PALM2AKAP2: variants seen among roughly 807,000 people sequenced by gnomAD.
The protein encoded by PALM2AKAP2 is PALM2-AKAP2 fusion protein.
Under a neutral mutation model 71.5 loss-of-function variants are expected in PALM2AKAP2, and 37 were observed. That is an observed-to-expected ratio of 0.52 (90% confidence interval 0.40 to 0.68). The LOEUF (loss-of-function observed/expected upper bound fraction) is 0.68, where lower values mean the gene tolerates loss of function less well. PALM2AKAP2 is among the 30% of genes least tolerant of loss of function. The probability of loss-of-function intolerance (pLI) is 0.00; values close to 1 mark genes in which losing one functional copy is unlikely to be tolerated. For missense variants in PALM2AKAP2, 1,224 were observed against 1,191.8 expected, an observed-to-expected ratio of 1.03 and a Z score of -0.40; for synonymous variants, 468 against 478.8, an observed-to-expected ratio of 0.98 and a Z score of 0.29.
intron 1 of PALM2AKAP2, among the ~76,000 whole-genome samples, chr9:109,662,886 T>C (rs541780034): frequency 1.7e-4 from 26 of 152,312 alleles, no homozygotes; most frequent in African/African-American, 5.8e-4. Context: ...TTCTTCCTGG[T>C]TTAGTCTTGG....
At chr9:109,969,112 A>ACACACACACACACACACACC (rs1832014865) in intron 6 of PALM2AKAP2, among the ~76,000 whole-genome samples, 1 of 151,492 alleles carries the variant, frequency 6.6e-6, no homozygotes, top group Non-Finnish European at 1.5e-5. Context: ...ACACACACAC[A>ACACACACACACACACACACC]CGACTCCCAG....
intron 4 of PALM2AKAP2, 93 bp downstream of exon 4, chr9:109,923,942 T>C: frequency 2.3e-6 from 3 of 1,288,360 alleles, no homozygotes; most frequent in Non-Finnish European, 2.1e-6. Flanking sequence ...CCAGTGGGCA[T>C]TGATGAGAAA....
At chr9:109,899,095 T>C (rs1400250607) in intron 3 of PALM2AKAP2, among the ~76,000 whole-genome samples, 1 of 152,152 alleles carries the variant, frequency 6.6e-6, no homozygotes, top group Non-Finnish European at 1.5e-5. Flanking sequence ...TGATCTAATT[T>C]TTTCTCCAGA....
chr9:109,838,735 A>C (rs948783246), intron 1 of PALM2AKAP2, among the ~76,000 whole-genome samples: 7 of 152,342 alleles, frequency 4.6e-5, no homozygotes, highest in Non-Finnish European at 8.8e-5. Flanking sequence ...ACCATCAGAG[A>C]ATACTATAAA....
At chr9:109,913,872 T>C (rs1005692468) in intron 3 of PALM2AKAP2, among the ~76,000 whole-genome samples, 6 of 150,454 alleles carry the variant, frequency 4.0e-5, no homozygotes, top group African/African-American at 1.5e-4. Context: ...TTCTCCTGCC[T>C]CAGCCTCCCG....
At chr9:109,868,523 G>A (rs1366074029) in intron 2 of PALM2AKAP2, among the ~76,000 whole-genome samples, 14 of 152,102 alleles carry the variant, frequency 9.2e-5, no homozygotes, top group Admixed American at 9.2e-4. Context: ...GTGATGCTCG[G>A]TATGAATTAT....
intron 1 of PALM2AKAP2, among the ~76,000 whole-genome samples, chr9:109,820,973 A>G (rs1440896182): frequency 6.6e-6 from 1 of 152,182 alleles, no homozygotes; most frequent in Admixed American, 6.5e-5. Flanking sequence ...CCAGCTGGGC[A>G]CCCAACTACG....
intron 3 of PALM2AKAP2, among the ~76,000 whole-genome samples, chr9:109,903,413 A>T (rs966531876): frequency 6.6e-6 from 1 of 151,888 alleles, no homozygotes; most frequent in Non-Finnish European, 1.5e-5. Flanking sequence ...TAAAGTGATG[A>T]TCTCAATGAA....
At chr9:109,953,399 G>A (rs961594963) in intron 6 of PALM2AKAP2, among the ~76,000 whole-genome samples, 6 of 152,146 alleles carry the variant, frequency 3.9e-5, no homozygotes, top group African/African-American at 7.2e-5. Flanking sequence ...TATACATGAG[G>A]AAACTGAGTT....
chr9:109,855,974 C>G (rs1001714567), intron 1 of PALM2AKAP2, among the ~76,000 whole-genome samples: 1 of 152,168 alleles, frequency 6.6e-6, no homozygotes, highest in African/African-American at 2.4e-5. Context: ...CAATTATTAA[C>G]AAAGTGGTAG....
At chr9:109,768,812 G>GT (rs1207051786) in intron 1 of PALM2AKAP2, among the ~76,000 whole-genome samples, 1 of 152,204 alleles carries the variant, frequency 6.6e-6, no homozygotes, top group Non-Finnish European at 1.5e-5. Flanking sequence ...TCAGCACCAT[G>GT]TAAGTGTGTA....
At chr9:109,950,991 G>T (rs770040886) in intron 6 of PALM2AKAP2, among the ~76,000 whole-genome samples, 1 of 152,252 alleles carries the variant, frequency 6.6e-6, no homozygotes. Context: ...TCTGTATGTA[G>T]CTCCAACTCC....
Position 109,962,887 on chromosome 9 carries a change from A to G in PALM2AKAP2, c.496+30859A>G, listed in dbSNP as rs184655363. 7.2e-4 allele frequency among the ~76,000 whole-genome samples: 109 copies of G among 152,296 alleles called. 1 individual carries two copies. In the East Asian group the frequency reaches 0.011, roughly 15 times the overall value. ...TCAAACTCCTGACCTCAGGTGATGC[A>G]CCCACCTCGGCCTCCCAACAAATGT... On this transcript the variant is annotated intron_variant, in intron 6 of 9. Transcript: ENST00000302798.
At chr9:109,903,532 C>T (rs1830376107) in intron 3 of PALM2AKAP2, among the ~76,000 whole-genome samples, 1 of 152,160 alleles carries the variant, frequency 6.6e-6, no homozygotes, top group Admixed American at 6.5e-5. Flanking sequence ...TATTTTTGCA[C>T]ACAGCATTAA....
At chr9:110,029,915 G>T (rs531280462) in intron 7 of PALM2AKAP2, among the ~76,000 whole-genome samples, 1 of 152,136 alleles carries the variant, frequency 6.6e-6, no homozygotes, top group East Asian at 1.9e-4. Flanking sequence ...GGCCACTTAC[G>T]ATAAGCCTTG....
chr9:109,966,818 A>T (rs1831958455), intron 6 of PALM2AKAP2, among the ~76,000 whole-genome samples: 2 of 152,192 alleles, frequency 1.3e-5, no homozygotes, highest in Non-Finnish European at 1.5e-5. Flanking sequence ...CTGGTTCAGT[A>T]GGTCTCAGGC....
intron 1 of PALM2AKAP2, among the ~76,000 whole-genome samples, chr9:110,124,535 G>A (rs1436755135): frequency 1.3e-5 from 2 of 152,202 alleles, no homozygotes; most frequent in South Asian, 2.1e-4. Context: ...CGAGGTGGAC[G>A]GAATCTGGAG....
intron 1 of PALM2AKAP2, among the ~76,000 whole-genome samples, chr9:109,693,905 C>A (rs948056727): frequency 6.6e-6 from 1 of 152,090 alleles, no homozygotes. Flanking sequence ...CTACATTCTG[C>A]CAGTTCTGAG....
At chr9:109,807,571 T>C (rs1827612932) in intron 1 of PALM2AKAP2, among the ~76,000 whole-genome samples, 1 of 151,804 alleles carries the variant, frequency 6.6e-6, no homozygotes, top group Non-Finnish European at 1.5e-5. Flanking sequence ...TTTTTTTTTT[T>C]TTGTCTGAAA....
Sources: allele counts gnomAD v4.1 joint callset (sites outside exome capture counted in the v4.1 genomes callset), GRCh38; gene constraint gnomAD v4.1.1; transcripts MANE v1.5; gene names NCBI Gene and HGNC (gene_info 2026-07-23, HGNC 2026-07-21).